AKAP19: variants seen among roughly 807,000 people sequenced by gnomAD.
AKAP19 encodes A-kinase anchoring protein 19, also known as small A-kinase anchoring protein.
At chr2:189,914,806 T>A in the AKAP19 span, among the ~76,000 whole-genome samples, 1 of 152,220 alleles carries the variant, frequency 6.6e-6, no homozygotes, top group Non-Finnish European at 1.5e-5. Context: ...TGCCCCATTT[T>A]ATAGATGAGA....
chr2:190,038,821 T>G, the AKAP19 span, among the ~76,000 whole-genome samples: 1 of 152,214 alleles, frequency 6.6e-6, no homozygotes, highest in Non-Finnish European at 1.5e-5. Context: ...AAACATTGTG[T>G]GGCAAATATT....
the AKAP19 span, among the ~76,000 whole-genome samples, chr2:189,986,210 A>G: frequency 1.3e-5 from 2 of 152,148 alleles, no homozygotes; most frequent in Admixed American, 6.5e-5. Flanking sequence ...GGCCATATCT[A>G]AAGTTCTAAT....
At chr2:190,008,548 A>G in the AKAP19 span, among the ~76,000 whole-genome samples, 1 of 152,192 alleles carries the variant, frequency 6.6e-6, no homozygotes. Flanking sequence ...AGCCCAATCC[A>G]GAAGATTTTT....
the AKAP19 span, among the ~76,000 whole-genome samples, chr2:190,029,848 A>C: frequency 4.6e-5 from 7 of 152,184 alleles, no homozygotes; most frequent in Admixed American, 2.6e-4. Context: ...ACACACACAG[A>C]CTGAGCGAGA....
chr2:190,057,437 A>G, the AKAP19 span: 4 of 1,613,584 alleles, frequency 2.5e-6, no homozygotes, highest in Non-Finnish European at 3.4e-6. Flanking sequence ...TTTTGTAAAA[A>G]TACAAATTCA....
the AKAP19 span, among the ~76,000 whole-genome samples, chr2:190,088,555 C>T: frequency 1.3e-5 from 2 of 151,936 alleles, no homozygotes; most frequent in Non-Finnish European, 2.9e-5. Context: ...AAGGACAGAA[C>T]TACTTAACAT....
chr2:190,099,073 T>C, the AKAP19 span, among the ~76,000 whole-genome samples: 1 of 152,238 alleles, frequency 6.6e-6, no homozygotes, highest in Admixed American at 6.5e-5. Flanking sequence ...TTCTCCATAT[T>C]GGCAAAAAGG....
chr2:190,001,702 A>G, the AKAP19 span, among the ~76,000 whole-genome samples: 1 of 152,142 alleles, frequency 6.6e-6, no homozygotes, highest in Non-Finnish European at 1.5e-5. Flanking sequence ...CAGTTGATCT[A>G]TGTGTAAGCA....
the AKAP19 span, among the ~76,000 whole-genome samples, chr2:190,086,308 A>G: frequency 2.6e-5 from 4 of 152,238 alleles, no homozygotes; most frequent in African/African-American, 9.6e-5. Flanking sequence ...CTTAGTTGTT[A>G]GTAGGAGCAG....
chr2:189,978,465 A>G, the AKAP19 span, among the ~76,000 whole-genome samples: 137 of 152,228 alleles, frequency 9.0e-4, no homozygotes, highest in Non-Finnish European at 9.6e-4. Flanking sequence ...TACTAAAAAT[A>G]CAAAAACTAA....
At chr2:189,973,464 G>A in the AKAP19 span, among the ~76,000 whole-genome samples, 1 of 152,106 alleles carries the variant, frequency 6.6e-6, no homozygotes, top group African/African-American at 2.4e-5. Context: ...TTGTGTCTCT[G>A]CCAGGCTTTG....
At chr2:189,940,593 A>G in the AKAP19 span, among the ~76,000 whole-genome samples, 2 of 152,176 alleles carry the variant, frequency 1.3e-5, no homozygotes, top group Middle Eastern at 3.2e-3. Flanking sequence ...CTTTCAAAAA[A>G]AAACACTCAC....
the AKAP19 span, among the ~76,000 whole-genome samples, chr2:190,061,703 CAAAAT>C: frequency 5.9e-5 from 9 of 152,024 alleles, no homozygotes; most frequent in East Asian, 1.7e-3. Flanking sequence ...TAATAGCTCT[CAAAAT>C]TAAATTTTTA....
the AKAP19 span, among the ~76,000 whole-genome samples, chr2:189,934,199 TATAA>T: frequency 6.6e-6 from 1 of 152,120 alleles, no homozygotes; most frequent in Non-Finnish European, 1.5e-5. Context: ...GAGAAGTCTA[TATAA>T]ATAGTAGTGT....
chr2:189,990,725 A>G, the AKAP19 span, among the ~76,000 whole-genome samples: 1 of 152,228 alleles, frequency 6.6e-6, no homozygotes, highest in South Asian at 2.1e-4. Context: ...ATTTTATTTC[A>G]AAAGTTTTTT....
the AKAP19 span, among the ~76,000 whole-genome samples, chr2:189,936,146 T>C: frequency 6.6e-6 from 1 of 152,224 alleles, no homozygotes; most frequent in African/African-American, 2.4e-5. Context: ...GAAAAAAAAT[T>C]CAACATGTAT....
At chr2:190,104,970 T>TA in the AKAP19 span, among the ~76,000 whole-genome samples, 2 of 152,106 alleles carry the variant, frequency 1.3e-5, no homozygotes, top group African/African-American at 4.8e-5. Flanking sequence ...TGGCTATTAT[T>TA]AAAAAATGAA....
chr2:189,909,814 A>G, the AKAP19 span, among the ~76,000 whole-genome samples: 1 of 152,052 alleles, frequency 6.6e-6, no homozygotes, highest in African/African-American at 2.4e-5. Context: ...ACTGTACAAA[A>G]CATTTGAATA....
the AKAP19 span, among the ~76,000 whole-genome samples, chr2:190,070,522 A>G: frequency 1.3e-5 from 2 of 151,518 alleles, no homozygotes; most frequent in Non-Finnish European, 2.9e-5. Flanking sequence ...TAAGAACTAC[A>G]TTACTTCTGC....
Sources: allele counts gnomAD v4.1 joint callset (sites outside exome capture counted in the v4.1 genomes callset), GRCh38; gene constraint gnomAD v4.1.1; transcripts MANE v1.5; gene names NCBI Gene and HGNC (gene_info 2026-07-23, HGNC 2026-07-21).